Variants in GLP2R observed in about 807,000 individuals in gnomAD.
The protein encoded by GLP2R is glucagon like peptide 2 receptor, also known as glucagon-like peptide 2 receptor.
A neutral mutation model predicts 68.2 loss-of-function variants in GLP2R; 59 were observed. The ratio of observed to expected loss-of-function variants is 0.87; its 90% CI spans 0.70 to 1.07. The LOEUF (loss-of-function observed/expected upper bound fraction) is 1.07, where lower values mean the gene tolerates loss of function less well. Among genes scored for constraint, GLP2R ranks in the 50% least tolerant of loss-of-function variants. The pLI is 0.00. For missense variants in GLP2R, 548 were observed against 677.4 expected (o/e 0.81, Z 2.12); for synonymous variants, 270 against 265.4 (o/e 1.02, Z -0.17).
At chr17:9,871,360 A>AG (rs2067091305) in intron 10 of GLP2R, among the ~76,000 whole-genome samples, 1 of 151,876 alleles carries the variant, frequency 6.6e-6, no homozygotes, top group Non-Finnish European at 1.5e-5. Flanking sequence ...AAAAAAAAAA[A>AG]AGTTTCTAAG....
intron 12 of GLP2R, among the ~76,000 whole-genome samples, chr17:9,888,231 A>G (rs555712422): frequency 8.5e-5 from 13 of 152,292 alleles, no homozygotes; most frequent in Admixed American, 6.5e-4. Flanking sequence ...GGAGTATTCA[A>G]ATGTGACAGA....
chr17:9,853,997 C>T lies in GLP2R; in HGVS notation c.505-498C>T, dbSNP rs910480890. On this transcript the variant is annotated intron_variant, in intron 4 of 12. Coordinates refer to ENST00000262441, the MANE Select transcript of GLP2R (RefSeq NM_004246.3). Reference sequence around the variant, plus strand: ...AAATTATCCTGTGTTCACAATCAGGCGACCTGGGACTCAGAGAAAATATTG... The same window carrying T: ...AAATTATCCTGTGTTCACAATCAGGTGACCTGGGACTCAGAGAAAATATTG... Among the ~76,000 whole-genome samples the T allele has an allele frequency of 5.3e-5, 8 of 152,308 alleles. No individual in the cohort carries two copies. In the South Asian group the frequency reaches 6.2e-4, roughly 12 times the overall value.
intron 1 of GLP2R, among the ~76,000 whole-genome samples, chr17:9,826,719 C>T (rs188343790): frequency 6.8e-4 from 103 of 152,062 alleles, no homozygotes; most frequent in Middle Eastern, 6.8e-3. Flanking sequence ...AAATGTTGAA[C>T]GCTAATTGTT....
At chr17:9,869,426 C>A (rs2067071278) in intron 9 of GLP2R, among the ~76,000 whole-genome samples, 1 of 152,246 alleles carries the variant, frequency 6.6e-6, no homozygotes, top group Non-Finnish European at 1.5e-5. Context: ...CCCAGTCTCA[C>A]TTCTCACAAA....
rs2067286374 is a variant in GLP2R at position 9,891,016 on chromosome 17, A to G, written c.*1311A>G. ...TGCACAGGAGTGTCACTTTCATGGT[A>G]TGTAAAATGCATGTGTACGTGGGTG... is the stretch of plus-strand genomic sequence containing the variant. On this transcript the variant is annotated 3_prime_UTR_variant, in exon 13 of 13. Coordinates refer to ENST00000262441, the MANE Select transcript of GLP2R (RefSeq NM_004246.3). 1 of 152,164 alleles carries G rather than the reference A, an allele frequency of 6.6e-6. No homozygotes were observed. Among genetic ancestry groups the G allele is most frequent in the Non-Finnish European group, 1.5e-5 (1 of 68,024 alleles). 9.4% of individuals were successfully genotyped at this position (152,164 alleles called of 1,614,324 possible). A position where few individuals can be genotyped will look rare whatever the true frequency, so the allele number is the denominator to read the frequency against.
chr17:9,860,081 G>A lies in GLP2R; in HGVS notation c.905G>A (p.Arg302Lys). The change falls in exon 7 of 13, where the codon AGA becomes AAA. Residue 302 changes from arginine (R) to lysine (K), a missense_variant. Coordinates refer to ENST00000262441, the MANE Select transcript of GLP2R (RefSeq NM_004246.3). The stretch of plus-strand genomic sequence containing the variant: ...CTTCCTGAGAGGCGGCTGTGGCCCA[G>A]ATACCTGCTGTTGGGTTGGGGTGAG... Reference protein sequence around the residue: ...TVLPERRLWPRYLLLGWAFPV... With the variant: ...TVLPERRLWPKYLLLGWAFPV... 6.2e-7 allele frequency: 1 copy of A among 1,608,494 alleles called. No individual in the cohort carries two copies. The highest frequency in any genetic ancestry group is 8.5e-7 in the Non-Finnish European group (1 of 1,177,072).
chr17:9,847,372 C>T (rs1359257370), intron 4 of GLP2R, among the ~76,000 whole-genome samples: 3 of 152,128 alleles, frequency 2.0e-5, no homozygotes, highest in Non-Finnish European at 2.9e-5. Flanking sequence ...CGGTTTCAAG[C>T]GATTCTTCTG....
rs746190276 is a variant in GLP2R, at chr17:9,826,231, C to G, written c.168C>G (p.Val56=). Residue 56 remains valine, a synonymous_variant, in exon 1 of 13, where the codon GTC becomes GTG. Coordinates refer to ENST00000262441, the MANE Select transcript of GLP2R (RefSeq NM_004246.3). ...CTGGGAGGCCCTTCCTCACTCTGGT[C>G]CTGCTGGTTTCCATCAAGCAAGTAA... is the stretch of plus-strand genomic sequence containing the variant. ...WAPGRPFLTL[V]LLVSIKQVTG... The G allele has an allele frequency of 2.5e-6, 4 of 1,601,654 alleles. No homozygotes were observed. In the East Asian group the frequency reaches 6.7e-5, roughly 27 times the overall value.
At position 9,887,989 on chromosome 17, in the gene GLP2R, T is replaced by C; in HGVS notation, c.1326+16T>C. 1 of 1,596,992 alleles carries C rather than the reference T, an allele frequency of 6.3e-7. No homozygotes were observed. The highest frequency in any genetic ancestry group is 1.1e-5 in the South Asian group (1 of 90,768). ...CAATGGAGAGGTATGATTTCCACGT[T>C]GCCATCCTGGTTTCATGTGAGGTTG... On this transcript the variant is annotated intron_variant, in intron 12 of 12. Transcript: ENST00000262441.
chr17:9,844,342 CAT>C (rs1301907623), intron 4 of GLP2R, among the ~76,000 whole-genome samples: 1 of 152,132 alleles, frequency 6.6e-6, no homozygotes, highest in Non-Finnish European at 1.5e-5. Context: ...CTTGTCAACA[CAT>C]GAGTTAGTTA....
At chr17:9,837,661 T>C (rs151117420) in intron 3 of GLP2R, among the ~76,000 whole-genome samples, 176 of 152,362 alleles carry the variant, frequency 1.2e-3, no homozygotes, top group African/African-American at 3.6e-3. Flanking sequence ...ATTACTTAGA[T>C]ACCCAGGATA....
At chr17:9,852,841 G>T in intron 4 of GLP2R, 1 of 341,270 alleles carries the variant, frequency 2.9e-6, no homozygotes, top group East Asian at 6.5e-5. Context: ...TTCTCCATCA[G>T]CAGGAAGTTT....
At chr17:9,883,790 A>G (rs2067217529) in intron 11 of GLP2R, among the ~76,000 whole-genome samples, 1 of 152,246 alleles carries the variant, frequency 6.6e-6, no homozygotes, top group African/African-American at 2.4e-5. Context: ...TGAAATAAAG[A>G]CATTATCATA....
intron 9 of GLP2R, among the ~76,000 whole-genome samples, chr17:9,865,588 T>C (rs2067028105): frequency 6.6e-6 from 1 of 152,198 alleles, no homozygotes; most frequent in Non-Finnish European, 1.5e-5. Context: ...GTTCTCCAAT[T>C]CCACCATGGT....
chr17:9,888,706 A>G (rs2067264369), intron 12 of GLP2R, among the ~76,000 whole-genome samples: 1 of 152,156 alleles, frequency 6.6e-6, no homozygotes, highest in Non-Finnish European at 1.5e-5. Flanking sequence ...ATCTCAAGTA[A>G]TCCACCTGCT....
chr17:9,855,591 A>G (rs2066927536), intron 5 of GLP2R, among the ~76,000 whole-genome samples: 1 of 152,248 alleles, frequency 6.6e-6, no homozygotes, highest in African/African-American at 2.4e-5. Flanking sequence ...TCAATTAGCT[A>G]TCAAATTTAA....
chr17:9,881,378 C>CTTTTTTTTTTTT (rs35526930), intron 11 of GLP2R, among the ~76,000 whole-genome samples: 12 of 95,652 alleles, frequency 1.3e-4, no homozygotes, highest in Non-Finnish European at 1.8e-4. Flanking sequence ...GCTGTCAGGC[C>CTTTTTTTTTTTT]TTTTTTTTTT....
At chr17:9,846,495 G>C (rs1383749742) in intron 4 of GLP2R, among the ~76,000 whole-genome samples, 46 of 152,276 alleles carry the variant, frequency 3.0e-4, no homozygotes. Flanking sequence ...GTGTGCACCT[G>C]TAGTCCCAGC....
chr17:9,862,188 C>T, intron 9 of GLP2R, 98 bp downstream of exon 9: 1 of 842,168 alleles, frequency 1.2e-6, no homozygotes, highest in Non-Finnish European at 2.0e-6. Flanking sequence ...TCTCTGATCC[C>T]TTGAGAGAGA....
Sources: allele counts gnomAD v4.1 joint callset (sites outside exome capture counted in the v4.1 genomes callset), GRCh38; gene constraint gnomAD v4.1.1; transcripts MANE v1.5; gene names NCBI Gene and HGNC (gene_info 2026-07-23, HGNC 2026-07-21).